Variants in RBP7 observed in about 807,000 individuals in gnomAD.
RBP7 encodes retinol binding protein 7, also known as retinoid-binding protein 7.
In RBP7, 13 loss-of-function variants were observed where a neutral mutation model predicts 16.7. The ratio of observed to expected loss-of-function variants is 0.78; its 90% CI spans 0.51 to 1.24. The LOEUF (loss-of-function observed/expected upper bound fraction) is 1.24, where lower values mean the gene tolerates loss of function less well. Among genes scored for constraint, RBP7 ranks in the 50% most tolerant of loss-of-function variants. The pLI, the probability that RBP7 is intolerant of heterozygous loss-of-function variation, is 0.00. For missense variants in RBP7, 145 were observed against 159.5 expected, an observed-to-expected ratio of 0.91 and a Z score of 0.49; for synonymous variants, 54 against 56.2, an observed-to-expected ratio of 0.96 and a Z score of 0.17.
intron 1 of RBP7, among the ~76,000 whole-genome samples, chr1:10,005,696 T>G (rs1194632120): frequency 6.6e-6 from 1 of 151,610 alleles, no homozygotes; most frequent in African/African-American, 2.4e-5. Flanking sequence ...CCCGAGTAGC[T>G]GGGATTACAG....
intron 3 of RBP7, among the ~76,000 whole-genome samples, chr1:10,011,902 C>A (rs1013478770): frequency 6.6e-6 from 1 of 151,726 alleles, no homozygotes; most frequent in African/African-American, 2.4e-5. Flanking sequence ...ACTATAAATA[C>A]AAAAATTAGC....
At chr1:10,001,937 T>C (rs1262609944) in intron 1 of RBP7, among the ~76,000 whole-genome samples, 1 of 152,096 alleles carries the variant, frequency 6.6e-6, no homozygotes, top group Admixed American at 6.6e-5. Context: ...CAAGCAATTC[T>C]CCTGCCTCAG....
chr1:10,009,811 C>T (rs1025567632), intron 3 of RBP7, among the ~76,000 whole-genome samples: 3 of 152,072 alleles, frequency 2.0e-5, no homozygotes, highest in African/African-American at 7.2e-5. Context: ...GGATTACAGG[C>T]GTGGCCGCTT....
At chr1:10,000,249 C>CTT (rs1642239589) in intron 1 of RBP7, among the ~76,000 whole-genome samples, 1 of 150,672 alleles carries the variant, frequency 6.6e-6, no homozygotes, top group Admixed American at 6.6e-5. Context: ...ATTAAGCTAG[C>CTT]AGACTGGGCA....
intron 1 of RBP7, among the ~76,000 whole-genome samples, chr1:9,998,810 A>G (rs1642218488): frequency 6.6e-6 from 1 of 152,158 alleles, no homozygotes; most frequent in Admixed American, 6.6e-5. Context: ...GGGTATGGGA[A>G]AAGCACCTCT....
intron 3 of RBP7, among the ~76,000 whole-genome samples, chr1:10,014,867 T>TG (rs1224061635): frequency 6.6e-6 from 1 of 152,146 alleles, no homozygotes; most frequent in East Asian, 1.9e-4. Flanking sequence ...TGTCTGAAGC[T>TG]GGGGGGAGTC....
intron 1 of RBP7, among the ~76,000 whole-genome samples, chr1:10,005,568 GTTT>G (rs891785466): frequency 7.0e-6 from 1 of 143,520 alleles, no homozygotes; most frequent in Non-Finnish European, 1.5e-5. Context: ...TGTTGTTTGG[GTTT>G]TTTTTTTTTT....
intron 3 of RBP7, 46 bp from the exon 4 acceptor site, chr1:10,015,736 C>G (rs1208966310): frequency 3.9e-6 from 6 of 1,521,098 alleles, no homozygotes; most frequent in African/African-American, 1.4e-5. Context: ...AAAAACAGAC[C>G]ACATGCAAAC....
chr1:10,015,703 A>T, intron 3 of RBP7, 79 bp from the exon 4 acceptor site: 1 of 1,232,590 alleles, frequency 8.1e-7, no homozygotes. Context: ...GTTAAAACAC[A>T]ATAAAAAATA....
At position 10,015,898 on chromosome 1, in the gene RBP7, C is replaced by A; in HGVS notation, c.*66C>A. The A allele has an allele frequency of 6.8e-7, 1 of 1,469,032 alleles. No homozygotes were observed. Among genetic ancestry groups the A allele is most frequent in the Non-Finnish European group, 9.5e-7 (1 of 1,049,690 alleles). 91.0% of individuals were successfully genotyped at this position (1,469,032 alleles called of 1,614,324 possible). A position where few individuals can be genotyped will look rare whatever the true frequency, so the allele number is the denominator to read the frequency against. On this transcript the variant is annotated 3_prime_UTR_variant, in exon 4 of 4. Coordinates refer to ENST00000294435, the MANE Select transcript of RBP7 (RefSeq NM_052960.3). ...ATGCCAAATTATATTGCAGACTGAA[C>A]AGACGTTTATCTATCCCATTTGGCG...
chr1:10,015,448 CAAAA>C (rs372218937), intron 3 of RBP7, among the ~76,000 whole-genome samples: 2 of 94,752 alleles, frequency 2.1e-5, no homozygotes, highest in Admixed American at 1.2e-4. Flanking sequence ...GACTCCATCT[CAAAA>C]AAAAAAAAAA....
At chr1:10,005,072 A>G (rs1332312678) in intron 1 of RBP7, among the ~76,000 whole-genome samples, 1 of 152,192 alleles carries the variant, frequency 6.6e-6, no homozygotes, top group Non-Finnish European at 1.5e-5. Context: ...GAAAACCAGT[A>G]AAGCCTGGAT....
intron 1 of RBP7, among the ~76,000 whole-genome samples, chr1:10,006,764 T>TATATATATAG (rs1325127839): frequency 2.8e-5 from 4 of 141,474 alleles, no homozygotes; most frequent in African/African-American, 1.1e-4. Flanking sequence ...TATATATATA[T>TATATATATAG]AGAGAGAGAG....
At chr1:10,012,228 A>T (rs1261319502) in intron 3 of RBP7, among the ~76,000 whole-genome samples, 121 of 150,672 alleles carry the variant, frequency 8.0e-4, no homozygotes, top group Non-Finnish European at 1.4e-3. Context: ...AAAAAAAAAA[A>T]AAAAATTAGC....
In RBP7 at chr1:9,997,231, C is replaced by A; in HGVS notation, c.-28C>A. The A allele has an allele frequency of 6.2e-7, 1 of 1,605,438 alleles. No individual in the cohort carries two copies. Among genetic ancestry groups the A allele is most frequent in the South Asian group, 1.1e-5 (1 of 90,224 alleles). On this transcript the variant is annotated 5_prime_UTR_variant, in exon 1 of 4. Transcript: ENST00000294435. This position sits in a 1 kb window ranked among gnomAD's most constrained non-coding sequence, Gnocchi z 5.9. ...GTCCCGGCCCGAGCCTCCGGCCGCC[C>A]GCCGGGTTTGTCCCGCGATCCCCGA...
chr1:10,006,638 A>C (rs1258463436), intron 1 of RBP7, among the ~76,000 whole-genome samples: 2 of 150,998 alleles, frequency 1.3e-5, no homozygotes, highest in African/African-American at 4.9e-5. Context: ...GGTTGCAGTG[A>C]GCTGAAATCG....
chr1:9,998,615 G>A (rs950935193), intron 1 of RBP7, among the ~76,000 whole-genome samples: 5 of 151,034 alleles, frequency 3.3e-5, no homozygotes, highest in Non-Finnish European at 5.9e-5. Flanking sequence ...TCACCATGTT[G>A]GCCAGGCTGG....
chr1:9,999,979 C>T (rs1642233955), intron 1 of RBP7, among the ~76,000 whole-genome samples: 1 of 151,974 alleles, frequency 6.6e-6, no homozygotes, highest in African/African-American at 2.4e-5. Flanking sequence ...CCTGTAATCC[C>T]AGCACTTTGG....
chr1:10,001,809 G>GTTTGTTTATTTA (rs1642285679), intron 1 of RBP7, among the ~76,000 whole-genome samples: 4 of 145,566 alleles, frequency 2.7e-5, no homozygotes, highest in African/African-American at 1.0e-4. Flanking sequence ...AATTTAATTA[G>GTTTGTTTATTTA]TTTATTTATT....
Sources: gnomAD v4.1 joint callset for allele counts (sites outside exome capture counted in the v4.1 genomes callset) on GRCh38, gnomAD v4.1.1 for gene constraint, Gnocchi (gnomAD v3.1) non-coding constraint, MANE v1.5 for transcripts, NCBI Gene and HGNC (gene_info 2026-07-23, HGNC 2026-07-21) for gene names.